MAP2K4: variants seen among roughly 807,000 people sequenced by gnomAD.
The protein encoded by MAP2K4 is mitogen-activated protein kinase kinase 4, also known as dual specificity mitogen-activated protein kinase kinase 4.
A neutral mutation model predicts 48.5 loss-of-function variants in MAP2K4; 4 were observed. The observed-to-expected ratio is 0.08, with a 90% CI of 0.04 to 0.19. The LOEUF (loss-of-function observed/expected upper bound fraction) is 0.19, where lower values mean the gene tolerates loss of function less well. MAP2K4 is among the 10% of genes least tolerant of loss of function. The probability of loss-of-function intolerance (pLI) is 1.00; values close to 1 mark genes in which losing one functional copy is unlikely to be tolerated. For missense variants in MAP2K4, 258 were observed against 493.3 expected (o/e 0.52, Z 4.52); for synonymous variants, 166 against 173.1 (o/e 0.96, Z 0.32).
rs567065450 is a variant in MAP2K4, at chr17:12,138,769, C to G, written c.1041-1070C>G. On this transcript the variant is annotated intron_variant, in intron 9 of 10. Coordinates refer to ENST00000353533, the MANE Select transcript of MAP2K4 (RefSeq NM_003010.4). ...ATCAACACTACCAATGAGAAGGAAA[C>G]GAGATTGGGCAGAAGAAGTTCAGTT... Among the ~76,000 whole-genome samples the G allele has an allele frequency of 7.9e-5, 12 of 152,096 alleles. 1 individual carries two copies. In the South Asian group the frequency reaches 2.3e-3, roughly 29 times the overall value.
intron 2 of MAP2K4, among the ~76,000 whole-genome samples, chr17:12,077,940 T>A (rs150893819): frequency 9.2e-5 from 14 of 152,330 alleles, no homozygotes; most frequent in Admixed American, 9.1e-4. Flanking sequence ...GAGAGTGAAC[T>A]CTGTGGTCTC....
intron 2 of MAP2K4, 54 bp downstream of exon 2, chr17:12,055,045 T>C: frequency 8.9e-7 from 1 of 1,129,742 alleles, no homozygotes; most frequent in Non-Finnish European, 1.3e-6. Flanking sequence ...TTAAAGTTAC[T>C]GTATTTTATG....
At chr17:12,136,051 GAA>G (rs1175352589) in intron 9 of MAP2K4, among the ~76,000 whole-genome samples, 1 of 152,112 alleles carries the variant, frequency 6.6e-6, no homozygotes, top group Non-Finnish European at 1.5e-5. Context: ...TTAATTTTAA[GAA>G]AAATTACTTT....
chr17:12,125,531 T>C (rs1376118857), intron 8 of MAP2K4, among the ~76,000 whole-genome samples, 160 bp downstream of exon 8: 1 of 152,216 alleles, frequency 6.6e-6, no homozygotes, highest in Admixed American at 6.5e-5. Context: ...TTATTTACTT[T>C]AAAAATCAAA....
intron 1 of MAP2K4, among the ~76,000 whole-genome samples, chr17:12,026,030 C>T (rs1008206056): frequency 6.6e-6 from 1 of 152,138 alleles, no homozygotes; most frequent in African/African-American, 2.4e-5. Context: ...CATACAAGTT[C>T]ACCTCAGCAA....
At chr17:12,022,979 T>C (rs1348851459) in intron 1 of MAP2K4, among the ~76,000 whole-genome samples, 1 of 152,216 alleles carries the variant, frequency 6.6e-6, no homozygotes, top group Non-Finnish European at 1.5e-5. Flanking sequence ...TGGTTAGGAC[T>C]TTTTCTGATG....
chr17:12,059,823 G>T (rs1343832419), intron 2 of MAP2K4, among the ~76,000 whole-genome samples: 1 of 152,104 alleles, frequency 6.6e-6, no homozygotes, highest in Non-Finnish European at 1.5e-5. Flanking sequence ...TTAAAACTTA[G>T]AATTTCTTCT....
chr17:12,049,246 CGATGT>C (rs1347023697), intron 1 of MAP2K4, among the ~76,000 whole-genome samples: 1 of 152,156 alleles, frequency 6.6e-6, no homozygotes, highest in Non-Finnish European at 1.5e-5. Context: ...CCCCTCTCTG[CGATGT>C]GATGTTCTGA....
chr17:12,123,380 G>A (rs773538924), intron 7 of MAP2K4, among the ~76,000 whole-genome samples: 17 of 152,108 alleles, frequency 1.1e-4, no homozygotes, highest in Admixed American at 7.9e-4. Flanking sequence ...AAGAACAGTA[G>A]TAATGGCCCC....
intron 1 of MAP2K4, among the ~76,000 whole-genome samples, chr17:12,041,291 T>A (rs188659402): frequency 6.6e-6 from 1 of 152,250 alleles, no homozygotes; most frequent in African/African-American, 2.4e-5. Context: ...ATATTGCTAA[T>A]TATTACAGTA....
At chr17:12,115,980 C>G in intron 7 of MAP2K4, 1 of 402,204 alleles carries the variant, frequency 2.5e-6, no homozygotes, top group Non-Finnish European at 4.7e-6. Flanking sequence ...CTTTTTAAGT[C>G]TGTTTTGTGG....
At position 12,110,013 on chromosome 17, in the gene MAP2K4, T is replaced by C. The variant is rs1972251619; in HGVS notation, c.634-362T>C. Among the ~76,000 whole-genome samples, 3 of 151,850 alleles carry C rather than the reference T, an allele frequency of 2.0e-5. 1 individual carries two copies. In the South Asian group the frequency reaches 6.2e-4, roughly 32 times the overall value. On this transcript the variant is annotated intron_variant, in intron 5 of 10. Coordinates refer to ENST00000353533, the MANE Select transcript of MAP2K4 (RefSeq NM_003010.4). ...GGCATGCATCTGTAGTCCCAGCTAC[T>C]TGGCAGGCTGTGGTGGGAGCGAGAC...
At chr17:12,111,493 TC>T (rs1227834864) in intron 6 of MAP2K4, among the ~76,000 whole-genome samples, 2 of 151,754 alleles carry the variant, frequency 1.3e-5, no homozygotes, top group Non-Finnish European at 2.9e-5. Context: ...TTTTTTTTTT[TC>T]CCTTCTTTGT....
intron 4 of MAP2K4, among the ~76,000 whole-genome samples, chr17:12,104,586 T>A (rs1292070629): frequency 1.4e-4 from 22 of 152,176 alleles, no homozygotes; most frequent in Admixed American, 1.4e-3. Flanking sequence ...GCCTTTGATA[T>A]AATTCTACTG....
intron 1 of MAP2K4, among the ~76,000 whole-genome samples, chr17:12,038,530 A>G (rs1281864538): frequency 1.3e-5 from 2 of 152,184 alleles, no homozygotes; most frequent in Non-Finnish European, 2.9e-5. Context: ...TTCGACAGAT[A>G]AAGATATTAC....
At chr17:12,048,421 T>C (rs899490018) in intron 1 of MAP2K4, among the ~76,000 whole-genome samples, 2 of 152,194 alleles carry the variant, frequency 1.3e-5, no homozygotes, top group Non-Finnish European at 2.9e-5. Flanking sequence ...AACCATCTAG[T>C]TTCCAAAATG....
chr17:12,062,835 AT>A (rs1970492768), intron 2 of MAP2K4, among the ~76,000 whole-genome samples: 1 of 150,568 alleles, frequency 6.6e-6, no homozygotes, highest in Non-Finnish European at 1.5e-5. Flanking sequence ...TATTGTGGGG[AT>A]TTTTCTTTTT....
rs1973422814 is a variant in MAP2K4, at chr17:12,143,054, C to G, written c.*1794C>G. On this transcript the variant is annotated 3_prime_UTR_variant, in exon 11 of 11. Coordinates refer to ENST00000353533, the MANE Select transcript of MAP2K4 (RefSeq NM_003010.4). ...CAAAAGTGATTATCTCTTTGATCTA[C>G]TTGCCTCATTTCCCTATCTTCTCCC... 1 of 232,932 alleles carries G rather than the reference C, an allele frequency of 4.3e-6. No individual in the cohort carries two copies. The allele number at this position is 232,932 out of a possible 1,614,324, so 14.4% of individuals were successfully genotyped here. A position where few individuals can be genotyped will look rare whatever the true frequency, so the allele number is the denominator to read the frequency against.
At chr17:12,123,652 A>G (rs1291371742) in intron 7 of MAP2K4, among the ~76,000 whole-genome samples, 1 of 151,964 alleles carries the variant, frequency 6.6e-6, no homozygotes, top group Non-Finnish European at 1.5e-5. Flanking sequence ...CTTCTCTTCT[A>G]ATGTATGCAT....
Sources: gnomAD v4.1 joint callset for allele counts (sites outside exome capture counted in the v4.1 genomes callset) on GRCh38, gnomAD v4.1.1 for gene constraint, MANE v1.5 for transcripts, NCBI Gene and HGNC (gene_info 2026-07-23, HGNC 2026-07-21) for gene names.